The following FER1L6 variants were observed in gnomAD, a reference collection of about 807,000 sequenced individuals.
FER1L6 encodes fer-1-like protein 6.
FER1L6 carries 177 observed loss-of-function variants against 219.2 expected under a neutral mutation model. The ratio of observed to expected loss-of-function variants is 0.81; its 90% CI spans 0.71 to 0.91. The LOEUF is 0.91. Among genes scored for constraint, FER1L6 ranks in the 40% least tolerant of loss-of-function variants. FER1L6 has a pLI of 0.00. For missense variants in FER1L6, 2,153 were observed against 2,259.9 expected, an observed-to-expected ratio of 0.95 and a Z score of 0.96; for synonymous variants, 768 against 824.3, an observed-to-expected ratio of 0.93 and a Z score of 1.17.
At chr8:123,982,117 T>G (rs998978374) in intron 11 of FER1L6, among the ~76,000 whole-genome samples, 7 of 152,168 alleles carry the variant, frequency 4.6e-5, no homozygotes, top group Admixed American at 3.9e-4. Context: ...ATTATCTATA[T>G]GGGATTGTGT....
chr8:123,901,209 T>C (rs1052196730), intron 1 of FER1L6, among the ~76,000 whole-genome samples: 9 of 152,212 alleles, frequency 5.9e-5, no homozygotes, highest in Non-Finnish European at 8.8e-5. Flanking sequence ...TCAGGATATC[T>C]AATTCTTCCT....
Position 123,980,815 on chromosome 8 carries a change from G to C in FER1L6, c.1410+4G>C. On this transcript the variant is annotated splice_donor_region_variant and intron_variant, in intron 11 of 40. Coordinates refer to ENST00000522917, the MANE Select transcript of FER1L6 (RefSeq NM_001039112.2). ...ATCGTTCGATGTCCCCCCGGAGGTA[G>C]GTCTAGGCACTGCATTATGGTACTT... 1 of 1,609,550 alleles carries C rather than the reference G, an allele frequency of 6.2e-7. No individual in the cohort carries two copies. Among genetic ancestry groups the C allele is most frequent in the Non-Finnish European group, 8.5e-7 (1 of 1,177,644 alleles).
At chr8:123,926,638 G>A (rs1040823659) in intron 1 of FER1L6, among the ~76,000 whole-genome samples, 19 of 152,198 alleles carry the variant, frequency 1.2e-4, no homozygotes, top group Non-Finnish European at 2.5e-4. Context: ...TAAGGCAATG[G>A]CACAGAATAT....
At chr8:124,112,050 T>G (rs1823041453) in intron 39 of FER1L6, among the ~76,000 whole-genome samples, 1 of 152,176 alleles carries the variant, frequency 6.6e-6, no homozygotes, top group African/African-American at 2.4e-5. Context: ...GTAAATGGTG[T>G]AATGGAAAAC....
chr8:124,063,515 C>T (rs953705996), intron 25 of FER1L6, among the ~76,000 whole-genome samples: 3 of 152,136 alleles, frequency 2.0e-5, no homozygotes, highest in Admixed American at 2.0e-4. Flanking sequence ...ACCGTTTTCC[C>T]CCAAAGGGTC....
At chr8:123,957,727 C>A (rs542407610) in intron 2 of FER1L6, among the ~76,000 whole-genome samples, 7 of 152,098 alleles carry the variant, frequency 4.6e-5, no homozygotes, top group African/African-American at 1.7e-4. Context: ...GAGAAGCTGG[C>A]GGATACCTAG....
At chr8:123,873,096 T>A (rs1816950880) in intron 1 of FER1L6, among the ~76,000 whole-genome samples, 2 of 152,132 alleles carry the variant, frequency 1.3e-5, no homozygotes, top group African/African-American at 4.8e-5. Context: ...CTGGGAAGCA[T>A]GACATTCCAT....
At chr8:124,079,799 C>G (rs1370733537) in intron 32 of FER1L6, among the ~76,000 whole-genome samples, 1 of 152,072 alleles carries the variant, frequency 6.6e-6, no homozygotes, top group African/African-American at 2.4e-5. Context: ...AGAGCTTGAC[C>G]TGGTTGGGAA....
At chr8:124,082,138 A>G in intron 32 of FER1L6, 150 bp from the exon 33 acceptor site, 1 of 526,288 alleles carries the variant, frequency 1.9e-6, no homozygotes, top group Non-Finnish European at 3.2e-6. Flanking sequence ...ATGAAAAATT[A>G]AACCAAACAA....
At chr8:124,022,056 C>T (rs770019484) in intron 17 of FER1L6, among the ~76,000 whole-genome samples, 2 of 152,186 alleles carry the variant, frequency 1.3e-5, no homozygotes, top group Non-Finnish European at 2.9e-5. Context: ...TCTAGAATGA[C>T]CTGTTTAAAA....
chr8:123,879,811 G>A (rs1432969500), intron 1 of FER1L6, among the ~76,000 whole-genome samples: 1 of 152,150 alleles, frequency 6.6e-6, no homozygotes, highest in African/African-American at 2.4e-5. Flanking sequence ...AGGGTCGAAT[G>A]CTCTCTCTCC....
At chr8:124,029,470 G>T (rs1818864689) in intron 18 of FER1L6, among the ~76,000 whole-genome samples, 1 of 152,140 alleles carries the variant, frequency 6.6e-6, no homozygotes, top group African/African-American at 2.4e-5. Flanking sequence ...CTTTCTGACT[G>T]GTGTGAGATG....
At chr8:124,071,482 A>G (rs745795047) in intron 30 of FER1L6, 24 bp from the exon 31 acceptor site, 4 of 1,613,466 alleles carry the variant, frequency 2.5e-6, no homozygotes, top group East Asian at 4.5e-5. Context: ...TCTCATTTCA[A>G]TGGGTTGCGT....
intron 1 of FER1L6, among the ~76,000 whole-genome samples, chr8:123,872,758 G>T (rs1473004015): frequency 6.6e-6 from 1 of 152,118 alleles, no homozygotes; most frequent in Non-Finnish European, 1.5e-5. Context: ...ATTTTCTCAT[G>T]GTTCCCTACA....
intron 1 of FER1L6, among the ~76,000 whole-genome samples, chr8:123,936,474 T>TC (rs534224102): frequency 0.028 from 2,572 of 92,970 alleles, 41 homozygotes; most frequent in South Asian, 0.054. Context: ...TTTTTTTTTT[T>TC]TTTTTTTTTT....
At chr8:123,875,702 A>G (rs965065122) in intron 1 of FER1L6, among the ~76,000 whole-genome samples, 1 of 152,156 alleles carries the variant, frequency 6.6e-6, no homozygotes, top group Non-Finnish European at 1.5e-5. Context: ...CCACCCATAT[A>G]TGCTCTTCTA....
intron 22 of FER1L6, among the ~76,000 whole-genome samples, chr8:124,054,387 T>C (rs946348751): frequency 1.3e-5 from 2 of 152,222 alleles, no homozygotes; most frequent in African/African-American, 4.8e-5. Context: ...GAAATGCCAG[T>C]TACCATGGTA....
chr8:123,975,457 T>A, intron 8 of FER1L6, 151 bp downstream of exon 8: 4 of 682,892 alleles, frequency 5.9e-6, no homozygotes, highest in Non-Finnish European at 9.6e-6. Flanking sequence ...GACACCAAGA[T>A]GTGTCCTATT....
intron 1 of FER1L6, among the ~76,000 whole-genome samples, chr8:123,947,303 A>C (rs1202023293): frequency 6.6e-6 from 1 of 152,010 alleles, no homozygotes; most frequent in Non-Finnish European, 1.5e-5. Flanking sequence ...TTAGAAAAGG[A>C]AGTGATTTTA....
Sources: allele counts gnomAD v4.1 joint callset (sites outside exome capture counted in the v4.1 genomes callset), GRCh38; gene constraint gnomAD v4.1.1; transcripts MANE v1.5; gene names NCBI Gene and HGNC (gene_info 2026-07-23, HGNC 2026-07-21).